The following WDR93 variants were observed in gnomAD, a reference collection of about 807,000 sequenced individuals.
The protein encoded by WDR93 is WD repeat domain 93.
WDR93 carries 73 observed loss-of-function variants against 82.9 expected under a neutral mutation model. That is an observed-to-expected ratio of 0.88 (90% CI 0.73 to 1.07). The LOEUF is 1.07. WDR93 is among the 50% of genes least tolerant of loss of function. WDR93 has a pLI of 0.00. For synonymous variants in WDR93, 283 were observed against 300.1 expected (o/e 0.94, Z 0.59); for missense variants, 738 against 826.0 (o/e 0.89, Z 1.31).
At chr15:89,736,179 G>T (rs938547655) in intron 14 of WDR93, among the ~76,000 whole-genome samples, 1 of 152,174 alleles carries the variant, frequency 6.6e-6, no homozygotes, top group Non-Finnish European at 1.5e-5. Flanking sequence ...ATCTCAGTTC[G>T]GCGATGGACT....
chr15:89,714,249 A>G (rs1381833094), intron 5 of WDR93: 1 of 152,274 alleles, frequency 6.6e-6, no homozygotes, highest in Non-Finnish European at 1.5e-5. Context: ...CTTCAGCAGC[A>G]CATATACTAA....
At chr15:89,693,658 C>A (rs1965010880) in intron 1 of WDR93, among the ~76,000 whole-genome samples, 1 of 152,184 alleles carries the variant, frequency 6.6e-6, no homozygotes, top group Non-Finnish European at 1.5e-5. Context: ...AGCCATGTCT[C>A]AGGAGCAAGA....
chr15:89,740,226 C>CA (rs960542907), intron 16 of WDR93, among the ~76,000 whole-genome samples: 9 of 152,194 alleles, frequency 5.9e-5, no homozygotes, highest in African/African-American at 2.2e-4. Flanking sequence ...AAATTCTAAA[C>CA]ATTACCACTA....
chr15:89,708,351 G>A (rs752121877), intron 4 of WDR93, among the ~76,000 whole-genome samples: 4 of 152,092 alleles, frequency 2.6e-5, no homozygotes, highest in African/African-American at 9.7e-5. Context: ...AGCAGAGAGC[G>A]GACCCCAGAG....
chr15:89,729,625 A>T (rs1363855364), intron 10 of WDR93, 58 bp from the exon 11 acceptor site: 2 of 1,373,648 alleles, frequency 1.5e-6, no homozygotes, highest in Non-Finnish European at 1.0e-6. Flanking sequence ...ACCAAAGGCC[A>T]CCCAGATTTC....
chr15:89,692,447 G>A (rs1476142806), intron 1 of WDR93, among the ~76,000 whole-genome samples: 1 of 152,164 alleles, frequency 6.6e-6, no homozygotes, highest in East Asian at 1.9e-4. Context: ...CAAGCAATGA[G>A]AATTTATTGA....
upstream of WDR93, chr15:89,690,716 T>A (rs957056027): frequency 4.2e-6 from 4 of 950,888 alleles, no homozygotes; most frequent in Non-Finnish European, 6.4e-6. Flanking sequence ...GAACGGTCAG[T>A]CCCAGGTTAT....
At chr15:89,734,156 A>G (rs1181033283) in intron 13 of WDR93, among the ~76,000 whole-genome samples, 1 of 152,174 alleles carries the variant, frequency 6.6e-6, no homozygotes, top group Non-Finnish European at 1.5e-5. Flanking sequence ...GCTCCGCCCC[A>G]AACACCTTAT....
At chr15:89,703,436 G>A in intron 3 of WDR93, 1 of 422,810 alleles carries the variant, frequency 2.4e-6, no homozygotes, top group Non-Finnish European at 4.3e-6. Context: ...AGGTAACATG[G>A]AAAGTCAGGC....
At chr15:89,724,123 G>A (rs1281399553) in intron 8 of WDR93, among the ~76,000 whole-genome samples, 3 of 151,978 alleles carry the variant, frequency 2.0e-5, no homozygotes, top group African/African-American at 7.3e-5. Context: ...GATTGCTTGT[G>A]AGCTCAGGAG....
intron 5 of WDR93, among the ~76,000 whole-genome samples, chr15:89,713,027 G>A (rs964398422): frequency 3.3e-5 from 5 of 151,040 alleles, no homozygotes; most frequent in Admixed American, 1.3e-4. Flanking sequence ...GGGAGGCTGA[G>A]ACAGGAAAAT....
intron 5 of WDR93, chr15:89,714,158 C>T (rs1966135173): frequency 6.6e-6 from 1 of 152,254 alleles, no homozygotes; most frequent in Admixed American, 6.5e-5. Context: ...AGACACACTT[C>T]TCTCAGTTGC....
chr15:89,727,303 A>G lies in WDR93; in HGVS notation c.1027A>G (p.Arg343Gly). 6.2e-7 allele frequency: 1 copy of G among 1,614,040 alleles called. No homozygotes were observed. Among genetic ancestry groups the G allele is most frequent in the Non-Finnish European group, 8.5e-7 (1 of 1,179,990 alleles). ...CGCTTCCTACAAGAAGTACCTAGATAGGGAGTGGGAGGAAGAGCCACTCAG... is the reference window on the plus strand; with the variant it reads ...CGCTTCCTACAAGAAGTACCTAGATGGGGAGTGGGAGGAAGAGCCACTCAG... ...FNASYKKYLDREWEEEPLSTA... is the reference protein window; with the variant it reads ...FNASYKKYLDGEWEEEPLSTA... The change falls in exon 9 of 17, where the codon AGG (arginine) becomes GGG (glycine). Residue 343 changes from arginine to glycine, a missense_variant. By Grantham distance (125) the Arg-to-Gly change is moderately radical. Transcript: ENST00000268130.
chr15:89,690,710 G>A (rs577395228), upstream of WDR93: 10 of 1,072,278 alleles, frequency 9.3e-6, no homozygotes, highest in Non-Finnish European at 1.4e-5. Flanking sequence ...CCCAGGGAAC[G>A]GTCAGTCCCA....
intron 8 of WDR93, among the ~76,000 whole-genome samples, chr15:89,725,607 C>T (rs1341657928): frequency 2.0e-5 from 3 of 146,602 alleles, no homozygotes; most frequent in Non-Finnish European, 4.5e-5. Flanking sequence ...CTCCCTCTGT[C>T]GCCCAGGCTG....
intron 4 of WDR93, among the ~76,000 whole-genome samples, chr15:89,707,528 G>C (rs1373258686): frequency 1.3e-5 from 2 of 152,026 alleles, no homozygotes; most frequent in African/African-American, 4.8e-5. Context: ...CAGCCTGGGT[G>C]ACAGAGCAAG....
chr15:89,710,403 G>T (rs1965923027), intron 4 of WDR93, among the ~76,000 whole-genome samples: 1 of 152,160 alleles, frequency 6.6e-6, no homozygotes, highest in Non-Finnish European at 1.5e-5. Context: ...GTTAGCGATG[G>T]AAAGCAGAAC....
intron 15 of WDR93, 23 bp from the exon 16 acceptor site, chr15:89,738,018 A>G (rs1324420149): frequency 5.0e-6 from 8 of 1,589,938 alleles, no homozygotes; most frequent in Non-Finnish European, 6.8e-6. Context: ...TACACAGAAC[A>G]TGGTGTTCTT....
intron 7 of WDR93, among the ~76,000 whole-genome samples, chr15:89,720,264 C>G (rs1182268221): frequency 6.6e-6 from 1 of 151,910 alleles, no homozygotes; most frequent in East Asian, 1.9e-4. Flanking sequence ...TCTTCTTTGA[C>G]TAGTAGGTTT....
Sources: allele counts gnomAD v4.1 joint callset (sites outside exome capture counted in the v4.1 genomes callset), GRCh38; gene constraint gnomAD v4.1.1; transcripts MANE v1.5; gene names NCBI Gene and HGNC (gene_info 2026-07-23, HGNC 2026-07-21).